CMTM8: variants seen among roughly 807,000 people sequenced by gnomAD.
The protein encoded by CMTM8 is CKLF-like MARVEL transmembrane domain-containing protein 8.
Under a neutral mutation model 18.6 loss-of-function variants are expected in CMTM8, and 12 were observed. The observed-to-expected ratio is 0.65, with a 90% CI of 0.41 to 1.05. The LOEUF is 1.05. Among genes scored for constraint, CMTM8 ranks in the 50% least tolerant of loss-of-function variants. The pLI, the probability that CMTM8 is intolerant of heterozygous loss-of-function variation, is 0.00. For missense variants in CMTM8, 217 were observed against 227.2 expected, an observed-to-expected ratio of 0.95 and a Z score of 0.29; for synonymous variants, 87 against 90.6, an observed-to-expected ratio of 0.96 and a Z score of 0.23.
intron 1 of CMTM8, among the ~76,000 whole-genome samples, chr3:32,346,251 C>T (rs556659982): frequency 1.8e-4 from 28 of 152,188 alleles, no homozygotes; most frequent in Non-Finnish European, 2.2e-4. Context: ...AACAGAAGTT[C>T]TTACTCCCAT....
At chr3:32,282,501 C>G (rs1702622786) in intron 1 of CMTM8, among the ~76,000 whole-genome samples, 1 of 152,064 alleles carries the variant, frequency 6.6e-6, no homozygotes, top group Non-Finnish European at 1.5e-5. Flanking sequence ...AATATATACC[C>G]AGAATGTTAT....
chr3:32,349,283 T>C (rs1696658369), intron 1 of CMTM8, among the ~76,000 whole-genome samples: 1 of 152,096 alleles, frequency 6.6e-6, no homozygotes, highest in Non-Finnish European at 1.5e-5. Flanking sequence ...CATTGAAGAT[T>C]GACCTGGCTG....
chr3:32,364,593 A>C (rs1225709926), intron 2 of CMTM8, among the ~76,000 whole-genome samples: 3 of 152,214 alleles, frequency 2.0e-5, no homozygotes, highest in Non-Finnish European at 2.9e-5. Context: ...ATTTAAATAA[A>C]TGCTAAGAAG....
rs144738974 is a variant in CMTM8, at chr3:32,354,840, C to A, written c.148-2533C>A. 2.4e-3 allele frequency among the ~76,000 whole-genome samples: 365 copies of A among 152,318 alleles called. 3 individuals carry two copies. Among genetic ancestry groups the A allele is most frequent in the African/African-American group, 8.7e-3 (360 of 41,558 alleles). On this transcript the variant is annotated intron_variant, in intron 1 of 3. Coordinates refer to ENST00000307526, the MANE Select transcript of CMTM8 (RefSeq NM_178868.5). ...ATGTCAAATACATGTGTATAGATTA[C>A]CTGTCAGAGTCAATTCGGGCCAAAA... is the stretch of plus-strand genomic sequence containing the variant.
chr3:32,245,885 A>G (rs1702008881), intron 1 of CMTM8, among the ~76,000 whole-genome samples: 1 of 152,064 alleles, frequency 6.6e-6, no homozygotes, highest in Non-Finnish European at 1.5e-5. Flanking sequence ...CTGCAACCTT[A>G]GCTCACTGCA....
At chr3:32,262,798 A>C (rs1159305161) in intron 1 of CMTM8, among the ~76,000 whole-genome samples, 1 of 152,176 alleles carries the variant, frequency 6.6e-6, no homozygotes, top group Non-Finnish European at 1.5e-5. Context: ...CAGCCGGTCC[A>C]AATATTGTAC....
intron 1 of CMTM8, among the ~76,000 whole-genome samples, chr3:32,337,785 A>G (rs940333666): frequency 6.6e-6 from 1 of 152,140 alleles, no homozygotes; most frequent in African/African-American, 2.4e-5. Flanking sequence ...GGGACCAGAC[A>G]TCATTGGAGA....
intron 1 of CMTM8, among the ~76,000 whole-genome samples, chr3:32,262,578 G>T (rs1575150152): frequency 6.6e-6 from 1 of 152,224 alleles, no homozygotes; most frequent in Non-Finnish European, 1.5e-5. Flanking sequence ...CCCTATTTCA[G>T]TTAAGACACA....
At chr3:32,301,651 A>G (rs920767613) in intron 1 of CMTM8, among the ~76,000 whole-genome samples, 2 of 151,988 alleles carry the variant, frequency 1.3e-5, no homozygotes, top group African/African-American at 4.8e-5. Flanking sequence ...GTGACATTGC[A>G]CTGGGGATTC....
At chr3:32,368,659 A>G (rs1354658501) in intron 3 of CMTM8, among the ~76,000 whole-genome samples, 1 of 152,054 alleles carries the variant, frequency 6.6e-6, no homozygotes, top group East Asian at 1.9e-4. Context: ...ACTAAGTCTC[A>G]CTATGTTGCA....
intron 1 of CMTM8, among the ~76,000 whole-genome samples, chr3:32,328,457 T>C (rs1471843688): frequency 6.9e-4 from 4 of 5,770 alleles, no homozygotes; most frequent in Non-Finnish European, 1.5e-3. Flanking sequence ...AGGTCAAGGC[T>C]CAAGGCTGCA....
chr3:32,268,754 A>T (rs1175802183), intron 1 of CMTM8, among the ~76,000 whole-genome samples: 1 of 152,186 alleles, frequency 6.6e-6, no homozygotes, highest in East Asian at 1.9e-4. Context: ...TATAGACTTT[A>T]TTGAAAGAAG....
intron 1 of CMTM8, among the ~76,000 whole-genome samples, chr3:32,331,520 TA>T (rs138840748): frequency 0.058 from 7,201 of 123,966 alleles, 352 homozygotes; most frequent in African/African-American, 0.15. Flanking sequence ...TTCAGCTGAT[TA>T]AAAAAAAAAC....
At chr3:32,336,790 T>C (rs750561705) in intron 1 of CMTM8, among the ~76,000 whole-genome samples, 2 of 151,812 alleles carry the variant, frequency 1.3e-5, no homozygotes, top group Non-Finnish European at 2.9e-5. Flanking sequence ...TTCATTTTTT[T>C]CTTCTCCTCT....
chr3:32,301,169 C>G (rs1695606334), intron 1 of CMTM8, among the ~76,000 whole-genome samples: 1 of 152,060 alleles, frequency 6.6e-6, no homozygotes, highest in Non-Finnish European at 1.5e-5. Flanking sequence ...CGGTTTGTTT[C>G]TAAGTTTCCA....
At chr3:32,292,306 C>G (rs1702793890) in intron 1 of CMTM8, among the ~76,000 whole-genome samples, 1 of 152,154 alleles carries the variant, frequency 6.6e-6, no homozygotes, top group Admixed American at 6.5e-5. Context: ...ACCTTGAGCT[C>G]CTCTCGTATA....
intron 1 of CMTM8, among the ~76,000 whole-genome samples, chr3:32,314,932 C>T (rs1296513611): frequency 2.8e-5 from 4 of 144,930 alleles, no homozygotes; most frequent in East Asian, 2.0e-4. Flanking sequence ...TTTTTTTTTG[C>T]GTTCTAGTGA....
chr3:32,329,588 C>G (rs1255803765), intron 1 of CMTM8, among the ~76,000 whole-genome samples: 2 of 152,080 alleles, frequency 1.3e-5, no homozygotes, highest in Non-Finnish European at 2.9e-5. Flanking sequence ...GATAAAAACA[C>G]TAAACACACT....
intron 1 of CMTM8, among the ~76,000 whole-genome samples, chr3:32,323,592 T>C (rs1696101804): frequency 6.6e-6 from 1 of 152,234 alleles, no homozygotes; most frequent in South Asian, 2.1e-4. Context: ...TCCTTGGAGC[T>C]TATGAGATTC....
Sources: gnomAD v4.1 joint callset for allele counts (sites outside exome capture counted in the v4.1 genomes callset) on GRCh38, gnomAD v4.1.1 for gene constraint, MANE v1.5 for transcripts, NCBI Gene and HGNC (gene_info 2026-07-23, HGNC 2026-07-21) for gene names.